Variants in ZSCAN5B observed in about 807,000 individuals in gnomAD.
ZSCAN5B encodes zinc finger and SCAN domain-containing protein 5B.
A neutral mutation model predicts 25.2 loss-of-function variants in ZSCAN5B; 26 were observed. That is an observed-to-expected ratio of 1.03 (90% CI 0.76 to 1.43). The LOEUF (loss-of-function observed/expected upper bound fraction) is 1.43, where lower values mean the gene tolerates loss of function less well. Ranked by LOEUF, ZSCAN5B falls within the 40% of genes most tolerant of loss-of-function variation. ZSCAN5B has a pLI of 0.00. For missense variants in ZSCAN5B, 745 were observed against 622.1 expected (o/e 1.20, Z -2.10); for synonymous variants, 244 against 240.9 (o/e 1.01, Z -0.12).
chr19:56,191,732 A>C, intron 3 of ZSCAN5B, 118 bp downstream of exon 3: 1 of 959,452 alleles, frequency 1.0e-6, no homozygotes, highest in Non-Finnish European at 1.5e-6. Context: ...TATCATGTCC[A>C]TGGGGAATGG....
At chr19:56,192,195 A>T in intron 2 of ZSCAN5B, 142 bp from the exon 3 acceptor site, 1 of 820,928 alleles carries the variant, frequency 1.2e-6, no homozygotes, top group East Asian at 2.7e-5. Context: ...CTCTGTGGAC[A>T]CAGCAATCTG....
At chr19:56,195,241 A>T (rs1363252449) in intron 1 of ZSCAN5B, among the ~76,000 whole-genome samples, 1 of 152,004 alleles carries the variant, frequency 6.6e-6, no homozygotes, top group African/African-American at 2.4e-5. Flanking sequence ...TACACACCAC[A>T]CATCTCACAG....
intron 1 of ZSCAN5B, 103 bp downstream of exon 1, chr19:56,197,631 C>T (rs2122211607): frequency 1.6e-6 from 1 of 623,358 alleles, no homozygotes; most frequent in East Asian, 1.4e-4. Context: ...TTCACAAAGT[C>T]TCCGAGAAAA....
chr19:56,192,009 T>G, exon 3 of ZSCAN5B: 1 of 1,613,868 alleles, frequency 6.2e-7, no homozygotes. Flanking sequence ...TCTCGACATC[T>G]GAGTTCAGCA....
chr19:56,190,767 T>A, intron 4 of ZSCAN5B, 70 bp downstream of exon 4: 1 of 1,561,982 alleles, frequency 6.4e-7, no homozygotes. Flanking sequence ...GGGATGATAA[T>A]GCTGGGCCCC....
chr19:56,190,449 T>C (rs373709117), exon 5 of ZSCAN5B: 1 of 1,614,064 alleles, frequency 6.2e-7, no homozygotes, highest in Non-Finnish European at 8.5e-7. Flanking sequence ...ATTCAGAGCA[T>C]CTCCTCTGTT....
At chr19:56,192,539 T>C (rs897760929) in intron 2 of ZSCAN5B, 130 bp downstream of exon 2, 167 of 1,455,394 alleles carry the variant, frequency 1.1e-4, no homozygotes, top group Non-Finnish European at 1.4e-4. Context: ...GGTTCCTGTA[T>C]CCCCTCTGCC....
exon 5 of ZSCAN5B, chr19:56,190,037 T>A (rs201750979): frequency 1.2e-6 from 2 of 1,613,414 alleles, no homozygotes; most frequent in South Asian, 2.2e-5. Context: ...TGTGGCCCTG[T>A]AAGGTGGACT....
chr19:56,196,692 C>G (rs2032814675), intron 1 of ZSCAN5B, among the ~76,000 whole-genome samples: 1 of 152,216 alleles, frequency 6.6e-6, no homozygotes, highest in Admixed American at 6.5e-5. Context: ...GGCAGGATCA[C>G]TTCAGCCCAG....
exon 2 of ZSCAN5B, chr19:56,192,903 G>T (rs1222302064): frequency 1.7e-5 from 27 of 1,613,980 alleles, no homozygotes; most frequent in Non-Finnish European, 2.0e-5. Context: ...CTGGGCAGCT[G>T]AACATCCTGA....
chr19:56,192,700 A>C, exon 2 of ZSCAN5B: 1 of 1,578,264 alleles, frequency 6.3e-7, no homozygotes, highest in Non-Finnish European at 8.6e-7. Flanking sequence ...ATTTCGTAGC[A>C]GGTCCTCCAG....
At chr19:56,189,812 G>T (rs1449194768) in exon 5 of ZSCAN5B, 5 of 1,596,334 alleles carry the variant, frequency 3.1e-6, no homozygotes, top group East Asian at 4.5e-5. Flanking sequence ...GGAGGATGTG[G>T]ACCTGACTCT....
intron 1 of ZSCAN5B, among the ~76,000 whole-genome samples, chr19:56,194,642 G>C (rs754781416): frequency 2.8e-4 from 43 of 152,194 alleles, no homozygotes; most frequent in African/African-American, 5.3e-4. Flanking sequence ...TTTTGAGGTG[G>C]AGTTTCGCAC....
chr19:56,196,477 G>A (rs1029026276), intron 1 of ZSCAN5B, among the ~76,000 whole-genome samples: 1 of 149,592 alleles, frequency 6.7e-6, no homozygotes, highest in African/African-American at 2.4e-5. Context: ...GATTTCAAGT[G>A]TTGTCCAAAA....
At chr19:56,196,289 T>C (rs2032808863) in intron 1 of ZSCAN5B, among the ~76,000 whole-genome samples, 1 of 152,132 alleles carries the variant, frequency 6.6e-6, no homozygotes, top group African/African-American at 2.4e-5. Context: ...TGAACTCAAG[T>C]GATCCCTATG....
chr19:56,193,325 C>T (rs1234701677), intron 1 of ZSCAN5B, 146 bp from the exon 2 acceptor site: 2 of 399,194 alleles, frequency 5.0e-6, no homozygotes, highest in African/African-American at 2.0e-5. Context: ...CTGTTCTTCT[C>T]TGACTACATG....
chr19:56,192,856 G>A (rs1014665727), exon 2 of ZSCAN5B: 3 of 1,613,994 alleles, frequency 1.9e-6, no homozygotes, highest in Middle Eastern at 1.7e-4. Flanking sequence ...GCACAGCTCA[G>A]TGAGTTTCCT....
chr19:56,196,155 G>C (rs905465264), intron 1 of ZSCAN5B, among the ~76,000 whole-genome samples: 2 of 152,156 alleles, frequency 1.3e-5, no homozygotes, highest in Admixed American at 6.5e-5. Context: ...GGGTTCAAGC[G>C]ATTCTCCTGC....
intron 2 of ZSCAN5B, 68 bp from the exon 3 acceptor site, chr19:56,192,121 C>T: frequency 7.2e-7 from 1 of 1,383,440 alleles, no homozygotes; most frequent in Non-Finnish European, 1.0e-6. Context: ...TTCCTGGGTC[C>T]TGCCATAATG....
Sources: allele counts gnomAD v4.1 joint callset (sites outside exome capture counted in the v4.1 genomes callset), GRCh38; gene constraint gnomAD v4.1.1; transcripts MANE v1.5; gene names NCBI Gene and HGNC (gene_info 2026-07-23, HGNC 2026-07-21).